ZNF280C: variants seen among roughly 807,000 people sequenced by gnomAD.
ZNF280C encodes the protein zinc finger protein 280C.
Under a neutral mutation model 53.6 loss-of-function variants are expected in ZNF280C, and 14 were observed. That is an observed-to-expected ratio of 0.26 (90% CI 0.17 to 0.41). The LOEUF is 0.41. Among genes scored for constraint, ZNF280C ranks in the 10% least tolerant of loss-of-function variants. The pLI is 1.00. For synonymous variants in ZNF280C, 203 were observed against 181.1 expected, an observed-to-expected ratio of 1.12 and a Z score of -0.97; for missense variants, 416 against 547.1, an observed-to-expected ratio of 0.76 and a Z score of 2.39.
At chrX:130,259,378 T>G (rs2032606583) in intron 2 of ZNF280C, among the ~76,000 whole-genome samples, 1 of 112,394 alleles carries the variant, frequency 8.9e-6, no homozygotes, top group Admixed American at 9.5e-5. Context: ...ATTGAAAAAG[T>G]AATTTACATT....
rs902496065 is a variant in ZNF280C at position 130,232,711 on chromosome X, C to T, written c.772-1984G>A. 2.7e-5 allele frequency among the ~76,000 whole-genome samples: 3 copies of T among 111,878 alleles called. No homozygotes were observed. In the Admixed American group the frequency reaches 2.8e-4, roughly 11 times the overall value. On this transcript the variant is annotated intron_variant, in intron 8 of 18. Transcript: ENST00000370978. ...AAGTGTTGATAAGAATGTGGAAAAA[C>T]GGGAACCATTTTACACTGCTGATGG...
intron 13 of ZNF280C, among the ~76,000 whole-genome samples, chrX:130,216,691 T>A (rs1412336906): frequency 2.7e-5 from 3 of 111,964 alleles, no homozygotes; most frequent in African/African-American, 9.7e-5. Flanking sequence ...CACAACAGTG[T>A]AGTTACAATG....
chrX:130,203,240 T>C lies in ZNF280C; in HGVS notation c.*1737A>G, dbSNP rs748928854. The stretch of plus-strand genomic sequence containing the variant: ...GAAGAGTTCAAAAGTAGACATAAAA[T>C]GGACATCAGCAAATTTCATGAATCT... On this transcript the variant is annotated 3_prime_UTR_variant, in exon 19 of 19. Transcript: ENST00000370978. The C allele has an allele frequency of 1.8e-5, 2 of 111,522 alleles. No individual in the cohort carries two copies. The highest frequency in any genetic ancestry group is 5.6e-4 in the East Asian group (2 of 3,578). 9.2% of individuals were successfully genotyped at this position (111,522 alleles called of 1,213,427 possible).
At position 130,215,227 on chromosome X, in the gene ZNF280C, T is replaced by C; in HGVS notation, c.1945A>G (p.Asn649Asp). The C allele has an allele frequency of 3.3e-6, 4 of 1,206,127 alleles. No homozygotes were observed. The highest frequency in any genetic ancestry group is 1.8e-5 in the South Asian group (1 of 55,805). ...IHCSFCKYNT[N>D]CNKAFVNHMM... ...TGATTTACAAAGGCTTTGTTACAGT[T>C]AGTATTGTACTTGCAAAAACTGCAG... is the stretch of plus-strand genomic sequence containing the variant. The change falls in exon 15 of 19, where the codon AAC becomes GAC. Residue 649 changes from asparagine (N) to aspartate (D), a missense_variant. This residue lies in a region of ZNF280C where 151 missense variants were observed against 176.9 expected (regional missense o/e 0.85). Transcript: ENST00000370978.
intron 16 of ZNF280C, among the ~76,000 whole-genome samples, chrX:130,208,697 ATTTTTT>A (rs764350027): frequency 1.0e-5 from 1 of 99,449 alleles, no homozygotes; most frequent in African/African-American, 3.7e-5. Flanking sequence ...AAATAGCATA[ATTTTTT>A]TTTTTTTTTT....
chrX:130,230,779 A>C (rs780725902), intron 8 of ZNF280C, 52 bp from the exon 9 acceptor site: 1 of 808,430 alleles, frequency 1.2e-6, no homozygotes, highest in East Asian at 3.2e-5. Context: ...TAAAGATTAG[A>C]TACCAAAAAA....
intron 14 of ZNF280C, 86 bp downstream of exon 14, chrX:130,215,705 G>A (rs1166677779): frequency 6.6e-6 from 6 of 908,567 alleles, no homozygotes; most frequent in Non-Finnish European, 8.9e-6. Context: ...TGATTATCAT[G>A]TAAATGTGTA....
chrX:130,242,000 CGG>C (rs756416363), intron 5 of ZNF280C, among the ~76,000 whole-genome samples: 1 of 61,135 alleles, frequency 1.6e-5, no homozygotes, highest in Non-Finnish European at 2.9e-5. Flanking sequence ...TTTGGGAAGC[CGG>C]GGGGGGGCGG....
intron 2 of ZNF280C, among the ~76,000 whole-genome samples, chrX:130,253,630 C>T (rs1283326135): frequency 1.8e-5 from 2 of 111,612 alleles, no homozygotes; most frequent in African/African-American, 6.5e-5. Flanking sequence ...ATCTGACGTT[C>T]GACAAAGCTG....
chrX:130,236,157 A>G (rs2032329710), intron 8 of ZNF280C, 57 bp downstream of exon 8: 8 of 862,176 alleles, frequency 9.3e-6, no homozygotes, highest in Non-Finnish European at 1.3e-5. Flanking sequence ...TCAATTTTCA[A>G]TATTTTCAAG....
chrX:130,248,945 G>C (rs2032477424), intron 2 of ZNF280C, among the ~76,000 whole-genome samples: 1 of 111,653 alleles, frequency 9.0e-6, no homozygotes, highest in African/African-American at 3.3e-5. Context: ...GCTGCCAGTG[G>C]GAGTGCACTC....
In ZNF280C at chrX:130,227,773, T is replaced by C. The variant is rs1029259572; in HGVS notation, c.1157A>G (p.Lys386Arg). ...HTPHEFSTIC[K>R]ICELSFETEH... Reference sequence around the variant, plus strand: ...TGTTTCAAATGATAATTCACAGATTTTGCAAATAGCTGAAAGTGGAAAAAA... The same window carrying C: ...TGTTTCAAATGATAATTCACAGATTCTGCAAATAGCTGAAAGTGGAAAAAA... Residue 386 changes from lysine (K) to arginine (R), a missense_variant, in exon 11 of 19, where the codon AAA (lysine) becomes AGA (arginine). Transcript: ENST00000370978. 8.5e-6 allele frequency: 10 copies of C among 1,177,015 alleles called. No individual in the cohort carries two copies. Among genetic ancestry groups the C allele is most frequent in the African/African-American group, 1.8e-5 (1 of 56,496 alleles).
At chrX:130,261,019 G>A (rs1175053996) in intron 1 of ZNF280C, among the ~76,000 whole-genome samples, 2 of 112,006 alleles carry the variant, frequency 1.8e-5, no homozygotes, top group African/African-American at 6.5e-5. Context: ...CATACATTTA[G>A]ATATTTTTAG....
In ZNF280C at chrX:130,242,520, C is replaced by T. The variant is rs766651282; in HGVS notation, c.381+1043G>A. On this transcript the variant is annotated intron_variant, in intron 5 of 18. Transcript: ENST00000370978. ...TGGCCATTATGCATTATTCATGTTG[C>T]AATACATTTTAGTTTTTTATTTTGT... 5.7e-3 allele frequency among the ~76,000 whole-genome samples: 631 copies of T among 111,459 alleles called. 1 individual carries two copies. The highest frequency in any genetic ancestry group is 0.02 in the African/African-American group (616 of 30,686).
chrX:130,237,195 T>C (rs953811269), intron 6 of ZNF280C, among the ~76,000 whole-genome samples: 1 of 111,854 alleles, frequency 8.9e-6, no homozygotes, highest in Non-Finnish European at 1.9e-5. Context: ...TAACAGGTGG[T>C]TTAAATTATC....
At chrX:130,268,348 A>G (rs1451492108) in intron 1 of ZNF280C, among the ~76,000 whole-genome samples, 1 of 111,581 alleles carries the variant, frequency 9.0e-6, no homozygotes, top group African/African-American at 3.3e-5. Flanking sequence ...GTTTGATTGA[A>G]GAGACTTGAG....
chrX:130,225,608 G>A (rs1329752403), intron 12 of ZNF280C, among the ~76,000 whole-genome samples: 4 of 108,637 alleles, frequency 3.7e-5, no homozygotes, highest in African/African-American at 1.4e-4. Context: ...AACACTGTTG[G>A]TGGAAACCCT....
intron 2 of ZNF280C, among the ~76,000 whole-genome samples, chrX:130,255,091 T>C (rs2032552983): frequency 2.8e-5 from 3 of 108,019 alleles, no homozygotes; most frequent in South Asian, 4.0e-4. Flanking sequence ...AAAACACATA[T>C]ATTAAACACA....
intron 16 of ZNF280C, among the ~76,000 whole-genome samples, chrX:130,208,684 T>TA (rs2124696004): frequency 9.1e-6 from 1 of 109,604 alleles, no homozygotes; most frequent in South Asian, 3.8e-4. Flanking sequence ...TTCAATGCTT[T>TA]AAAAATAGCA....
Sources: allele counts gnomAD v4.1 joint callset (sites outside exome capture counted in the v4.1 genomes callset), GRCh38; gene constraint gnomAD v4.1.1; regional missense constraint gnomAD v4.1.1; transcripts MANE v1.5; gene names NCBI Gene and HGNC (gene_info 2026-07-23, HGNC 2026-07-21).